Variants in CDH13 observed in about 807,000 individuals in gnomAD.
CDH13 encodes cadherin-13.
Under a neutral mutation model 63.8 loss-of-function variants are expected in CDH13, and 24 were observed. The observed-to-expected ratio is 0.38, with a 90% confidence interval of 0.27 to 0.53. The LOEUF is 0.53. CDH13 is among the 20% of genes least tolerant of loss of function. The pLI, the probability that CDH13 is intolerant of heterozygous loss-of-function variation, is 0.85. For synonymous variants in CDH13, 503 were observed against 355.3 expected, an observed-to-expected ratio of 1.42 and a Z score of -4.67; for missense variants, 1,049 against 903.1, an observed-to-expected ratio of 1.16 and a Z score of -2.07.
intron 1 of CDH13, among the ~76,000 whole-genome samples, chr16:82,713,806 GA>G (rs758482459): frequency 1.2e-4 from 15 of 120,056 alleles, no homozygotes; most frequent in African/African-American, 2.7e-4. Flanking sequence ...CTGTATTTGT[GA>G]AAAAAAAAAC....
chr16:83,022,580 CCTT>C (rs2151457436), intron 2 of CDH13, among the ~76,000 whole-genome samples: 1 of 152,326 alleles, frequency 6.6e-6, no homozygotes, highest in East Asian at 1.9e-4. Context: ...CACTGCAAGT[CCTT>C]CTCTTCTGTG....
At chr16:83,772,864 T>A (rs1305737697) in intron 11 of CDH13, 1 of 152,270 alleles carries the variant, frequency 6.6e-6, no homozygotes, top group East Asian at 1.9e-4. Flanking sequence ...CATCTGAACA[T>A]GTCAAAGAAA....
In CDH13 at chr16:83,061,923, G is replaced by A. The variant is rs112221019; in HGVS notation, c.366+29705G>A. On this transcript the variant is annotated intron_variant, in intron 3 of 13. Coordinates refer to ENST00000567109, the MANE Select transcript of CDH13 (RefSeq NM_001257.5). Reference sequence around the variant, plus strand: ...CAGGAGATGCTTACCTGAAGGAGAGGCCCTCTAGAGAGGCTGTGAGAACTG... The same window carrying A: ...CAGGAGATGCTTACCTGAAGGAGAGACCCTCTAGAGAGGCTGTGAGAACTG... Among the ~76,000 whole-genome samples, 1,371 of 152,274 alleles carry A rather than the reference G, an allele frequency of 9.0e-3. 9 individuals carry two copies. Among genetic ancestry groups the A allele is most frequent in the Non-Finnish European group, 0.015 (999 of 68,022 alleles).
Position 82,787,716 on chromosome 16 carries a change from C to G in CDH13, c.46-70646C>G, listed in dbSNP as rs1256168210. Among the ~76,000 whole-genome samples the G allele has an allele frequency of 2.0e-5, 3 of 152,140 alleles. No individual in the cohort carries two copies. In the East Asian group the frequency reaches 5.8e-4, roughly 29 times the overall value. On this transcript the variant is annotated intron_variant, in intron 1 of 13. Transcript: ENST00000567109. ...ACAACCAGTGGGAAAAGGCTGGACT[C>G]AATCCCAAATTAGGCTCATTAATCA... is the stretch of plus-strand genomic sequence containing the variant.
chr16:82,840,027 T>C lies in CDH13; in HGVS notation c.46-18335T>C, dbSNP rs539445606. Among the ~76,000 whole-genome samples the C allele has an allele frequency of 1.1e-4, 17 of 152,336 alleles. No homozygotes were observed. In the South Asian group the frequency reaches 2.3e-3, roughly 20 times the overall value. ...AAACAGACATGAGAAGAAAAAGTTATGTTCCTTCAAACTATTTCAGCTCAG... is the reference window on the plus strand; with the variant it reads ...AAACAGACATGAGAAGAAAAAGTTACGTTCCTTCAAACTATTTCAGCTCAG... On this transcript the variant is annotated intron_variant, in intron 1 of 13. Coordinates refer to ENST00000567109, the MANE Select transcript of CDH13 (RefSeq NM_001257.5).
chr16:82,717,140 A>G (rs1178174295), intron 1 of CDH13, among the ~76,000 whole-genome samples: 1 of 152,100 alleles, frequency 6.6e-6, no homozygotes, highest in Non-Finnish European at 1.5e-5. Flanking sequence ...TTCATTCAAC[A>G]GGACATGAAT....
At chr16:83,602,109 A>ACAAC (rs1907881046) in intron 7 of CDH13, among the ~76,000 whole-genome samples, 1 of 25,972 alleles carries the variant, frequency 3.9e-5, no homozygotes, top group Admixed American at 5.5e-4. Flanking sequence ...AACAACAACA[A>ACAAC]AAAAAAAAAA....
rs199581273 is a variant in CDH13, at chr16:83,762,748, G to C, written c.1681+14498G>C. ...TGGTCTTCCTGCCTCCTTCTTACTGGTAACCTAATCTTTCCCCCTCCTCTT... is the reference window on the plus strand; with the variant it reads ...TGGTCTTCCTGCCTCCTTCTTACTGCTAACCTAATCTTTCCCCCTCCTCTT... On this transcript the variant is annotated intron_variant, in intron 11 of 13. Coordinates refer to ENST00000567109, the MANE Select transcript of CDH13 (RefSeq NM_001257.5). Among the ~76,000 whole-genome samples, 10 of 152,206 alleles carry C rather than the reference G, an allele frequency of 6.6e-5. No homozygotes were observed. In the East Asian group the frequency reaches 1.5e-3, roughly 24 times the overall value.
intron 5 of CDH13, among the ~76,000 whole-genome samples, chr16:83,325,499 G>T (rs540678286): frequency 6.6e-6 from 1 of 152,164 alleles, no homozygotes; most frequent in South Asian, 2.1e-4. Flanking sequence ...GAGTCATGCA[G>T]ACCCTTTCTG....
intron 1 of CDH13, among the ~76,000 whole-genome samples, chr16:82,793,664 C>G (rs1051682022): frequency 6.6e-6 from 1 of 152,162 alleles, no homozygotes; most frequent in Non-Finnish European, 1.5e-5. Context: ...TGGTATCACT[C>G]ATTTTATTCT....
At chr16:83,781,536 C>G (rs1371518178) in intron 12 of CDH13, among the ~76,000 whole-genome samples, 1 of 152,124 alleles carries the variant, frequency 6.6e-6, no homozygotes, top group African/African-American at 2.4e-5. Flanking sequence ...AGCCCTATCT[C>G]ATATCTCATT....
chr16:82,939,674 A>C (rs574156912), intron 2 of CDH13, among the ~76,000 whole-genome samples: 13 of 152,178 alleles, frequency 8.5e-5, no homozygotes, highest in Non-Finnish European at 1.9e-4. Flanking sequence ...TGTCTTCTCC[A>C]GAATGGATGT....
intron 2 of CDH13, among the ~76,000 whole-genome samples, chr16:83,024,762 C>A (rs771812215): frequency 1.3e-5 from 2 of 152,190 alleles, no homozygotes; most frequent in Non-Finnish European, 2.9e-5. Flanking sequence ...CACCAACAAT[C>A]CGTTTGGAGA....
chr16:83,362,565 C>A (rs1198547504), intron 6 of CDH13, among the ~76,000 whole-genome samples: 1 of 152,200 alleles, frequency 6.6e-6, no homozygotes, highest in African/African-American at 2.4e-5. Context: ...TCCATCCCCC[C>A]AGTGAGATTG....
intron 8 of CDH13, among the ~76,000 whole-genome samples, chr16:83,653,425 G>A (rs1488009986): frequency 7.6e-6 from 1 of 130,996 alleles, no homozygotes; most frequent in Admixed American, 8.7e-5. Context: ...TCTTGTTAAG[G>A]TTTGAAAAAT....
intron 3 of CDH13, among the ~76,000 whole-genome samples, chr16:83,033,137 C>A (rs1399528537): frequency 1.3e-5 from 2 of 152,114 alleles, no homozygotes. Context: ...AATGTATACA[C>A]ATATGTATAC....
chr16:83,148,358 C>T (rs1040301730), intron 4 of CDH13, among the ~76,000 whole-genome samples: 80 of 151,048 alleles, frequency 5.3e-4, no homozygotes, highest in African/African-American at 1.8e-3. Flanking sequence ...AACATGTAGA[C>T]AACATGGGTG....
At chr16:83,202,100 A>C (rs2039049533) in intron 4 of CDH13, among the ~76,000 whole-genome samples, 1 of 152,096 alleles carries the variant, frequency 6.6e-6, no homozygotes, top group Non-Finnish European at 1.5e-5. Flanking sequence ...TCCCCTGAAA[A>C]TGGCGGACTC....
intron 4 of CDH13, among the ~76,000 whole-genome samples, chr16:83,192,183 C>T (rs2038739946): frequency 6.6e-6 from 1 of 152,174 alleles, no homozygotes; most frequent in South Asian, 2.1e-4. Flanking sequence ...AGAGATTCCC[C>T]TTCCCATGCT....
Sources: gnomAD v4.1 joint callset for allele counts (sites outside exome capture counted in the v4.1 genomes callset) on GRCh38, gnomAD v4.1.1 for gene constraint, MANE v1.5 for transcripts, NCBI Gene and HGNC (gene_info 2026-07-23, HGNC 2026-07-21) for gene names.